SUFU: variants seen among roughly 807,000 people sequenced by gnomAD.
SUFU encodes SUFU negative regulator of hedgehog signaling, also known as suppressor of fused homolog.
Under a neutral mutation model 58.9 loss-of-function variants are expected in SUFU, and 7 were observed. That is an observed-to-expected ratio of 0.12 (90% CI 0.07 to 0.22). The LOEUF (loss-of-function observed/expected upper bound fraction) is 0.22, where lower values mean the gene tolerates loss of function less well. Among genes scored for constraint, SUFU ranks in the 10% least tolerant of loss-of-function variants. SUFU has a pLI of 1.00. For synonymous variants in SUFU, 232 were observed against 254.8 expected (o/e 0.91, Z 0.85); for missense variants, 451 against 641.3 (o/e 0.70, Z 3.20).
At chr10:102,586,636 G>A (rs763314036) in intron 3 of SUFU, among the ~76,000 whole-genome samples, 2 of 152,150 alleles carry the variant, frequency 1.3e-5, no homozygotes, top group Non-Finnish European at 2.9e-5. Flanking sequence ...TCACGCCACC[G>A]CACTCTAGCC....
intron 3 of SUFU, among the ~76,000 whole-genome samples, chr10:102,551,593 G>A (rs1201632893): frequency 2.0e-5 from 3 of 149,242 alleles, no homozygotes; most frequent in Non-Finnish European, 4.4e-5. Flanking sequence ...AGCCAAGATC[G>A]CACCACTGTA....
At chr10:102,595,452 GC>G (rs2063451173) in intron 6 of SUFU, among the ~76,000 whole-genome samples, 5 of 152,200 alleles carry the variant, frequency 3.3e-5, no homozygotes, top group Admixed American at 2.6e-4. Context: ...CTTTCCCTAA[GC>G]CCTTGTTCTG....
At chr10:102,542,550 C>T (rs2062814094) in intron 2 of SUFU, among the ~76,000 whole-genome samples, 1 of 151,904 alleles carries the variant, frequency 6.6e-6, no homozygotes, top group African/African-American at 2.4e-5. Flanking sequence ...TCTGGGATTA[C>T]AGATGTCAGC....
chr10:102,580,257 C>A (rs568025652), intron 3 of SUFU, among the ~76,000 whole-genome samples: 1 of 152,324 alleles, frequency 6.6e-6, no homozygotes, highest in East Asian at 1.9e-4. Context: ...ATTGTAGCTT[C>A]TGAGCTGGGG....
At chr10:102,612,120 G>A (rs984819452) in intron 8 of SUFU, among the ~76,000 whole-genome samples, 10 of 152,054 alleles carry the variant, frequency 6.6e-5, no homozygotes, top group Non-Finnish European at 1.3e-4. Context: ...AATAATTCAT[G>A]CTTCTGCATC....
At chr10:102,565,809 G>T (rs2063083054) in intron 3 of SUFU, among the ~76,000 whole-genome samples, 1 of 152,176 alleles carries the variant, frequency 6.6e-6, no homozygotes, top group Admixed American at 6.6e-5. Flanking sequence ...GCCTCCCAAA[G>T]TGCTGGGATT....
At chr10:102,503,834 GA>G (rs2062280650), upstream of SUFU, among the ~76,000 whole-genome samples, 1 of 152,230 alleles carries the variant, frequency 6.6e-6, no homozygotes, top group Non-Finnish European at 1.5e-5. Context: ...CCAACACAGG[GA>G]GGGGAGGCGG....
intron 3 of SUFU, among the ~76,000 whole-genome samples, chr10:102,553,751 C>T (rs895350619): frequency 2.0e-5 from 3 of 150,920 alleles, no homozygotes; most frequent in South Asian, 2.1e-4. Context: ...GCGTGAGCCA[C>T]CGCGCCCGGC....
Position 102,617,345 on chromosome 10 carries a change from G to A in SUFU, c.1213G>A (p.Ala405Thr), listed in dbSNP as rs2135935129. ...ATATAAAAGTATCACAGGTGACATG[G>A]CCATCACGTTTGTCTCCACGGGAGT... The part of the protein sequence containing the change: ...FTYKSITGDM[A>T]ITFVSTGVEG... Residue 405 changes from alanine to threonine, a missense_variant, in exon 10 of 12, where the codon GCC becomes ACC. By Grantham distance (58) the Ala-to-Thr change is moderately conservative. Coordinates refer to ENST00000369902, the MANE Select transcript of SUFU (RefSeq NM_016169.4). This position sits in a 1 kb window ranked among gnomAD's most constrained non-coding sequence, Gnocchi z 4.4. 6.2e-7 allele frequency: 1 copy of A among 1,614,222 alleles called. No homozygotes were observed.
At chr10:102,589,992 T>A (rs1043612348) in intron 3 of SUFU, among the ~76,000 whole-genome samples, 1 of 152,096 alleles carries the variant, frequency 6.6e-6, no homozygotes, top group Non-Finnish European at 1.5e-5. Context: ...AAGGATCTTG[T>A]CAAATGCTTT....
chr10:102,530,323 C>A (rs544337678), intron 2 of SUFU, among the ~76,000 whole-genome samples: 7 of 152,278 alleles, frequency 4.6e-5, no homozygotes, highest in African/African-American at 1.7e-4. Context: ...ATGTCTGACA[C>A]CTGCCTTCCT....
intron 2 of SUFU, among the ~76,000 whole-genome samples, chr10:102,543,623 C>T (rs1445033944): frequency 1.3e-5 from 2 of 152,160 alleles, no homozygotes; most frequent in African/African-American, 4.8e-5. Flanking sequence ...AACCATTAAT[C>T]CACTTTCCCC....
At chr10:102,546,474 T>A (rs2062856725) in intron 2 of SUFU, among the ~76,000 whole-genome samples, 1 of 152,154 alleles carries the variant, frequency 6.6e-6, no homozygotes, top group South Asian at 2.1e-4. Flanking sequence ...GATCCCACCT[T>A]CTGCAGCACA....
chr10:102,546,847 C>T (rs768349141), intron 2 of SUFU, among the ~76,000 whole-genome samples: 1 of 152,250 alleles, frequency 6.6e-6, no homozygotes, highest in Non-Finnish European at 1.5e-5. Context: ...CCCTCCCACC[C>T]AGCCAAGTAA....
chr10:102,550,015 C>A lies in SUFU; in HGVS notation c.363C>A (p.Thr121=), dbSNP rs910976342. ...CTAGTGGTTTTGGCTTTGAGTTGAC[C>A]TTTCGTCTGAAGAGAGAAACTGGGG... is the stretch of plus-strand genomic sequence containing the variant. The part of the protein sequence containing the change: ...DGPSGFGFEL[T]FRLKRETGES... The change falls in exon 3 of 12, where the codon ACC becomes ACA. Residue 121 remains threonine (T), a synonymous_variant. Transcript: ENST00000369902. The A allele has an allele frequency of 2.5e-6, 4 of 1,614,018 alleles. No individual in the cohort carries two copies. The African/African-American group carries it at 5.3e-5, about 22-fold the overall frequency.
intron 1 of SUFU, among the ~76,000 whole-genome samples, chr10:102,506,940 C>T (rs1765704656): frequency 1.3e-5 from 2 of 152,148 alleles, no homozygotes; most frequent in Admixed American, 1.3e-4. Context: ...AGCAGAGAGG[C>T]AGAACCTGTA....
chr10:102,522,543 G>T (rs2062562531), intron 2 of SUFU, among the ~76,000 whole-genome samples: 1 of 152,192 alleles, frequency 6.6e-6, no homozygotes, highest in Non-Finnish European at 1.5e-5. Flanking sequence ...ACAGGCATAA[G>T]CACAAATGCC....
intron 2 of SUFU, among the ~76,000 whole-genome samples, chr10:102,542,089 G>C (rs1368276517): frequency 6.6e-6 from 1 of 150,394 alleles, no homozygotes; most frequent in Non-Finnish European, 1.5e-5. Context: ...TCTCCATGTT[G>C]GTCAGGCTGG....
chr10:102,623,445 G>A (rs923422701), intron 10 of SUFU, among the ~76,000 whole-genome samples: 17 of 152,214 alleles, frequency 1.1e-4, no homozygotes, highest in African/African-American at 4.1e-4. Context: ...TGAGCAGGTG[G>A]CCAGGAAATG....
Sources: gnomAD v4.1 joint callset for allele counts (sites outside exome capture counted in the v4.1 genomes callset) on GRCh38, gnomAD v4.1.1 for gene constraint, Gnocchi (gnomAD v3.1) non-coding constraint, MANE v1.5 for transcripts, NCBI Gene and HGNC (gene_info 2026-07-23, HGNC 2026-07-21) for gene names.